SMAP1: variants seen among roughly 807,000 people sequenced by gnomAD.
SMAP1 encodes the protein stromal membrane-associated protein 1.
Under a neutral mutation model 58.5 loss-of-function variants are expected in SMAP1, and 24 were observed. The observed-to-expected ratio is 0.41, with a 90% CI of 0.30 to 0.58. The LOEUF (loss-of-function observed/expected upper bound fraction) is 0.58, where lower values mean the gene tolerates loss of function less well. SMAP1 is among the 20% of genes least tolerant of loss of function. The pLI is 0.29. For synonymous variants in SMAP1, 216 were observed against 196.6 expected (o/e 1.10, Z -0.82); for missense variants, 563 against 566.3 (o/e 0.99, Z 0.06).
chr6:70,787,046 A>G (rs1768075046), intron 4 of SMAP1, among the ~76,000 whole-genome samples: 1 of 152,182 alleles, frequency 6.6e-6, no homozygotes, highest in South Asian at 2.1e-4. Flanking sequence ...CTGACTTCAA[A>G]CTATACTACA....
chr6:70,735,639 C>T (rs550557834), intron 2 of SMAP1, among the ~76,000 whole-genome samples: 17 of 152,178 alleles, frequency 1.1e-4, no homozygotes, highest in African/African-American at 3.9e-4. Flanking sequence ...TGTGGTAACA[C>T]ACACCCGTAG....
At chr6:70,857,364 G>A (rs1459470977) in intron 9 of SMAP1, 1 of 185,118 alleles carries the variant, frequency 5.4e-6, no homozygotes, top group South Asian at 1.7e-4. Context: ...TTTCTCTGCA[G>A]GTAAACAGTC....
At chr6:70,774,620 T>G (rs1347471624) in intron 4 of SMAP1, among the ~76,000 whole-genome samples, 2 of 152,336 alleles carry the variant, frequency 1.3e-5, no homozygotes, top group East Asian at 3.9e-4. Context: ...AGCTCATGCC[T>G]GTAATCCCAG....
intron 2 of SMAP1, among the ~76,000 whole-genome samples, chr6:70,754,332 C>G (rs1400123843): frequency 6.6e-6 from 1 of 152,048 alleles, no homozygotes; most frequent in Non-Finnish European, 1.5e-5. Flanking sequence ...TTTATTCTTA[C>G]TGAGCAATTG....
At chr6:70,749,298 C>CA (rs773384755) in intron 2 of SMAP1, among the ~76,000 whole-genome samples, 1 of 152,138 alleles carries the variant, frequency 6.6e-6, no homozygotes, top group African/African-American at 2.4e-5. Flanking sequence ...CACCTCCCAC[C>CA]AAGTCCCTTC....
At chr6:70,850,394 C>T (rs1771138333) in intron 7 of SMAP1, among the ~76,000 whole-genome samples, 1 of 151,904 alleles carries the variant, frequency 6.6e-6, no homozygotes, top group Admixed American at 6.6e-5. Context: ...AAAGTAAAAA[C>T]AACTATAACG....
At chr6:70,735,429 A>C (rs1302237311) in intron 2 of SMAP1, among the ~76,000 whole-genome samples, 1 of 152,210 alleles carries the variant, frequency 6.6e-6, no homozygotes, top group African/African-American at 2.4e-5. Context: ...GATGATCACA[A>C]TGTGATATAA....
chr6:70,732,494 A>G lies in SMAP1; in HGVS notation c.235A>G (p.Thr79Ala). 1.9e-6 allele frequency: 3 copies of G among 1,587,798 alleles called. No individual in the cohort carries two copies. Among genetic ancestry groups the G allele is most frequent in the Non-Finnish European group, 2.6e-6 (3 of 1,167,074 alleles). ...RVKSVNLDQW[T>A]AEQIQCMQDM... ...CAAATCAGTCAACCTAGACCAATGG[A>G]CAGCAGAACAGATACAGGTAAACAT... Residue 79 changes from threonine (T) to alanine (A), a missense_variant, in exon 2 of 11, where the codon ACA becomes GCA. Thr to Ala is a moderately conservative substitution (Grantham distance 58). Around this residue, in one of 3 missense-constraint regions of SMAP1, gnomAD observed 494 missense variants for 473.8 expected, o/e 1.04. Transcript: ENST00000370455.
At chr6:70,721,483 G>C (rs1202612436) in intron 1 of SMAP1, among the ~76,000 whole-genome samples, 1 of 152,110 alleles carries the variant, frequency 6.6e-6, no homozygotes, top group Non-Finnish European at 1.5e-5. Flanking sequence ...AAGTCTCTAG[G>C]AGGTTCCAAA....
chr6:70,685,719 G>T (rs1766908741), intron 1 of SMAP1, among the ~76,000 whole-genome samples: 1 of 152,094 alleles, frequency 6.6e-6, no homozygotes, highest in African/African-American at 2.4e-5. Context: ...GGAGTTATCG[G>T]CATAGAAGTG....
intron 2 of SMAP1, among the ~76,000 whole-genome samples, chr6:70,737,454 T>C (rs971567854): frequency 6.6e-6 from 1 of 152,248 alleles, no homozygotes; most frequent in Admixed American, 6.5e-5. Flanking sequence ...GCCGGAAATG[T>C]ATTTTGCATA....
At chr6:70,823,952 G>C (rs181241238) in intron 6 of SMAP1, among the ~76,000 whole-genome samples, 9 of 151,356 alleles carry the variant, frequency 5.9e-5, no homozygotes, top group African/African-American at 1.9e-4. Context: ...AAGGGTGAGG[G>C]CCACCCTATG....
At chr6:70,689,467 T>C (rs1354761101) in intron 1 of SMAP1, among the ~76,000 whole-genome samples, 5 of 152,258 alleles carry the variant, frequency 3.3e-5, no homozygotes, top group Admixed American at 2.6e-4. Context: ...TCTTTATTAC[T>C]GTAGCTTCTT....
intron 6 of SMAP1, among the ~76,000 whole-genome samples, chr6:70,836,199 G>A (rs1770577256): frequency 1.3e-5 from 2 of 152,068 alleles, no homozygotes; most frequent in African/African-American, 2.4e-5. Context: ...AGAAGAAAGA[G>A]GTTTAATTGG....
intron 2 of SMAP1, among the ~76,000 whole-genome samples, chr6:70,733,903 G>C (rs558162918): frequency 6.6e-6 from 1 of 152,222 alleles, no homozygotes; most frequent in African/African-American, 2.4e-5. Context: ...AATTATTTGA[G>C]ATGGGCAGCT....
At chr6:70,802,074 A>G (rs978279215) in intron 6 of SMAP1, among the ~76,000 whole-genome samples, 3 of 152,146 alleles carry the variant, frequency 2.0e-5, no homozygotes, top group East Asian at 1.9e-4. Flanking sequence ...AGCTTGATGA[A>G]GATGGCATTA....
chr6:70,768,734 T>A (rs968091944), intron 3 of SMAP1, among the ~76,000 whole-genome samples: 56 of 152,320 alleles, frequency 3.7e-4, no homozygotes, highest in African/African-American at 1.3e-3. Context: ...GAAGGGTTTT[T>A]TGTGTCTCTA....
At chr6:70,819,170 A>G (rs900520197) in intron 6 of SMAP1, among the ~76,000 whole-genome samples, 2 of 152,132 alleles carry the variant, frequency 1.3e-5, no homozygotes, top group African/African-American at 4.8e-5. Flanking sequence ...TTCAAGGCTT[A>G]TCCATGTTTG....
At chr6:70,790,755 C>T (rs921363614) in intron 4 of SMAP1, among the ~76,000 whole-genome samples, 61 of 152,302 alleles carry the variant, frequency 4.0e-4, no homozygotes, top group African/African-American at 1.3e-3. Context: ...TTTGACATTA[C>T]ATAATGACCT....
Sources: allele counts gnomAD v4.1 joint callset (sites outside exome capture counted in the v4.1 genomes callset), GRCh38; gene constraint gnomAD v4.1.1; regional missense constraint gnomAD v4.1.1; transcripts MANE v1.5; gene names NCBI Gene and HGNC (gene_info 2026-07-23, HGNC 2026-07-21).